CERS6: variants seen among roughly 807,000 people sequenced by gnomAD.
The protein encoded by CERS6 is LAG1 homolog, ceramide synthase 6.
A neutral mutation model predicts 56.8 loss-of-function variants in CERS6; 26 were observed. That is an observed-to-expected ratio of 0.46 (90% CI 0.34 to 0.63). The LOEUF (loss-of-function observed/expected upper bound fraction) is 0.63. CERS6 is among the 30% of genes least tolerant of loss of function. The pLI, the probability that CERS6 is intolerant of heterozygous loss-of-function variation, is 0.01. For missense variants in CERS6, 415 were observed against 467.5 expected (o/e 0.89, Z 1.04); for synonymous variants, 164 against 173.3 (o/e 0.95, Z 0.42).
chr2:168,464,527 G>A (rs1328503543), intron 1 of CERS6, among the ~76,000 whole-genome samples: 2 of 151,998 alleles, frequency 1.3e-5, no homozygotes, highest in Non-Finnish European at 2.9e-5. Context: ...TCATCAGGAA[G>A]GGAGCTTCTC....
chr2:168,683,041 T>C (rs1686260263), intron 4 of CERS6, among the ~76,000 whole-genome samples: 1 of 152,228 alleles, frequency 6.6e-6, no homozygotes, highest in South Asian at 2.1e-4. Flanking sequence ...TTTTAAATAA[T>C]AAATGCTAAG....
At chr2:168,486,643 G>T (rs1232758936) in intron 1 of CERS6, among the ~76,000 whole-genome samples, 1 of 151,612 alleles carries the variant, frequency 6.6e-6, no homozygotes, top group Non-Finnish European at 1.5e-5. Context: ...CTGTATTTGT[G>T]TGGGTCTGTT....
At chr2:168,700,342 G>T (rs1011787963) in intron 6 of CERS6, among the ~76,000 whole-genome samples, 6 of 152,164 alleles carry the variant, frequency 3.9e-5, no homozygotes, top group Non-Finnish European at 5.9e-5. Flanking sequence ...CGAGGAAGCA[G>T]CATGGAACAG....
intron 3 of CERS6, among the ~76,000 whole-genome samples, chr2:168,583,823 A>C (rs149181346): frequency 6.6e-6 from 1 of 152,218 alleles, no homozygotes; most frequent in Non-Finnish European, 1.5e-5. Flanking sequence ...AATAAAATGA[A>C]TGCTGACTCT....
At chr2:168,579,968 C>T (rs569361580) in intron 3 of CERS6, among the ~76,000 whole-genome samples, 11 of 152,326 alleles carry the variant, frequency 7.2e-5, no homozygotes, top group African/African-American at 1.9e-4. Context: ...CCTTGATAAT[C>T]ACAACGCCAC....
intron 3 of CERS6, among the ~76,000 whole-genome samples, chr2:168,618,954 C>A (rs1684392529): frequency 6.6e-6 from 1 of 151,888 alleles, no homozygotes; most frequent in African/African-American, 2.4e-5. Context: ...AATCTGGAGG[C>A]TTCAAACTAT....
At chr2:168,499,195 A>T (rs1046972311) in intron 1 of CERS6, among the ~76,000 whole-genome samples, 3 of 152,294 alleles carry the variant, frequency 2.0e-5, no homozygotes, top group South Asian at 2.1e-4. Flanking sequence ...CAGCCAATTA[A>T]ATATTGTAGG....
chr2:168,606,802 ACAT>A (rs973945851), intron 3 of CERS6, among the ~76,000 whole-genome samples: 31 of 152,158 alleles, frequency 2.0e-4, no homozygotes, highest in African/African-American at 7.0e-4. Context: ...TCTTGGTTTA[ACAT>A]CATCTGCCTT....
chr2:168,537,323 T>C (rs1233381201), intron 1 of CERS6, among the ~76,000 whole-genome samples: 1 of 152,228 alleles, frequency 6.6e-6, no homozygotes, highest in Non-Finnish European at 1.5e-5. Flanking sequence ...ATCTGTGGCC[T>C]TTCTTCTTTG....
intron 2 of CERS6, among the ~76,000 whole-genome samples, chr2:168,550,783 C>G (rs1372727209): frequency 2.0e-5 from 3 of 152,206 alleles, no homozygotes; most frequent in Admixed American, 6.5e-5. Context: ...AAAGGCTCAG[C>G]CCTACCGAGT....
chr2:168,568,490 A>G (rs1388316837), intron 3 of CERS6, among the ~76,000 whole-genome samples: 1 of 152,258 alleles, frequency 6.6e-6, no homozygotes, highest in African/African-American at 2.4e-5. Context: ...AAAAGTCTAC[A>G]TAATGTTCAT....
chr2:168,519,919 T>C (rs746707261), intron 1 of CERS6, among the ~76,000 whole-genome samples: 1 of 152,318 alleles, frequency 6.6e-6, no homozygotes, highest in East Asian at 1.9e-4. Context: ...TGGTAGATGA[T>C]TTATTTTCTT....
intron 4 of CERS6, among the ~76,000 whole-genome samples, chr2:168,663,095 A>G (rs1685673882): frequency 6.6e-6 from 1 of 152,184 alleles, no homozygotes; most frequent in Non-Finnish European, 1.5e-5. Context: ...GTTGTTTTGC[A>G]TTCATTTAGC....
intron 8 of CERS6, among the ~76,000 whole-genome samples, chr2:168,760,150 A>G (rs1684530959): frequency 6.6e-6 from 1 of 152,146 alleles, no homozygotes; most frequent in Admixed American, 6.5e-5. Flanking sequence ...AGGATTCCCT[A>G]GAGAGACAGA....
intron 8 of CERS6, among the ~76,000 whole-genome samples, chr2:168,761,292 A>C (rs1366909727): frequency 6.6e-6 from 1 of 152,180 alleles, no homozygotes; most frequent in African/African-American, 2.4e-5. Flanking sequence ...GTCATGGCAA[A>C]GCCTATAAAT....
intron 4 of CERS6, among the ~76,000 whole-genome samples, chr2:168,657,869 G>C (rs973440535): frequency 2.6e-5 from 4 of 152,230 alleles, no homozygotes; most frequent in Non-Finnish European, 4.4e-5. Context: ...GCCTTGGCCA[G>C]CCCAGAAAGT....
intron 9 of CERS6, among the ~76,000 whole-genome samples, chr2:168,766,958 G>C (rs1165119012): frequency 1.3e-5 from 2 of 152,160 alleles, no homozygotes; most frequent in Non-Finnish European, 2.9e-5. Context: ...TTTTCTCTGT[G>C]ACCTCTCACT....
intron 2 of CERS6, 103 bp from the exon 3 acceptor site, chr2:168,561,089 C>T (rs1695777485): frequency 1.6e-6 from 2 of 1,258,546 alleles, no homozygotes; most frequent in Middle Eastern, 2.0e-4. Flanking sequence ...AGATAGTAAA[C>T]AATAGGGGGA....
In CERS6 at chr2:168,662,091, G is replaced by C. The variant is rs146079500; in HGVS notation, c.466-28943G>C. 4.2e-3 allele frequency among the ~76,000 whole-genome samples: 623 copies of C among 149,414 alleles called. 1 individual carries two copies. The highest frequency in any genetic ancestry group is 7.1e-3 in the Non-Finnish European group (482 of 67,674). ...TTCGGTCATAATTATCTTCAGCTGA[G>C]ACCTTTGAGGCCTGGTATACCATTC... On this transcript the variant is annotated intron_variant, in intron 4 of 9. Coordinates refer to ENST00000305747, the MANE Select transcript of CERS6 (RefSeq NM_203463.3).
Sources: gnomAD v4.1 joint callset for allele counts (sites outside exome capture counted in the v4.1 genomes callset) on GRCh38, gnomAD v4.1.1 for gene constraint, MANE v1.5 for transcripts, NCBI Gene and HGNC (gene_info 2026-07-23, HGNC 2026-07-21) for gene names.